HAPSTR1: variants seen among roughly 807,000 people sequenced by gnomAD.
The protein encoded by HAPSTR1 is HUWE1 associated protein modifying stress responses.
At chr16:9,116,657 C>T in the HAPSTR1 span, 9 of 1,601,318 alleles carry the variant, frequency 5.6e-6, no homozygotes, top group Admixed American at 5.2e-5. Flanking sequence ...AACCTTTTTT[C>T]TTCTTCCTAG....
the HAPSTR1 span, among the ~76,000 whole-genome samples, chr16:9,102,348 C>A: frequency 6.2e-4 from 94 of 152,174 alleles, no homozygotes; most frequent in African/African-American, 2.1e-3. Context: ...ATCATTTTAC[C>A]AAAACCCAGG....
the HAPSTR1 span, among the ~76,000 whole-genome samples, chr16:9,114,773 A>G: frequency 1.2e-4 from 19 of 152,358 alleles, no homozygotes; most frequent in East Asian, 2.7e-3. Flanking sequence ...TGGGAGTGCC[A>G]GCTCTTGTTT....
chr16:9,101,144 C>G, the HAPSTR1 span, among the ~76,000 whole-genome samples: 2 of 152,196 alleles, frequency 1.3e-5, no homozygotes. Context: ...ATGCCTCCAG[C>G]TCTTTCAGAA....
At chr16:9,113,544 CTA>C in the HAPSTR1 span, among the ~76,000 whole-genome samples, 1 of 152,088 alleles carries the variant, frequency 6.6e-6, no homozygotes, top group East Asian at 1.9e-4. Context: ...CATGAGACTC[CTA>C]TGTTAACAAG....
the HAPSTR1 span, chr16:9,117,146 G>T: frequency 6.7e-5 from 37 of 552,984 alleles, no homozygotes; most frequent in African/African-American, 6.6e-4. Context: ...TTGTGTAGTC[G>T]TTAGCAAGAT....
the HAPSTR1 span, chr16:9,111,231 G>A: frequency 1.3e-5 from 2 of 152,326 alleles, no homozygotes; most frequent in African/African-American, 4.8e-5. Flanking sequence ...CTTGTTGAAT[G>A]TTGCAGTCTG....
chr16:9,098,226 G>A, the HAPSTR1 span, among the ~76,000 whole-genome samples: 2 of 152,142 alleles, frequency 1.3e-5, no homozygotes, highest in Admixed American at 6.5e-5. Context: ...CAGCTAACTC[G>A]GAAGGCTGAG....
the HAPSTR1 span, chr16:9,102,996 C>G: frequency 6.2e-7 from 1 of 1,613,836 alleles, no homozygotes; most frequent in Non-Finnish European, 8.5e-7. Context: ...AGCGTGGATA[C>G]CCATCAACGA....
the HAPSTR1 span, among the ~76,000 whole-genome samples, chr16:9,095,733 G>A: frequency 1.3e-5 from 2 of 152,112 alleles, no homozygotes; most frequent in Admixed American, 6.6e-5. Context: ...TTGGAATGTG[G>A]CTAGAAGGAT....
chr16:9,096,881 G>C, the HAPSTR1 span, among the ~76,000 whole-genome samples: 1 of 151,994 alleles, frequency 6.6e-6, no homozygotes. Context: ...AGAAGCAGTA[G>C]CCTCAGTTAT....
At chr16:9,118,811 T>C in the HAPSTR1 span, 1 of 152,686 alleles carries the variant, frequency 6.5e-6, no homozygotes, top group East Asian at 1.9e-4. Flanking sequence ...AGAACTCCTA[T>C]TCCTAAAAGG....
the HAPSTR1 span, among the ~76,000 whole-genome samples, chr16:9,102,642 G>C: frequency 6.6e-6 from 1 of 152,170 alleles, no homozygotes; most frequent in East Asian, 1.9e-4. Context: ...AGCGTGGCCT[G>C]AGGCATGTGC....
At chr16:9,117,217 C>A in the HAPSTR1 span, 1 of 259,652 alleles carries the variant, frequency 3.9e-6, no homozygotes, top group East Asian at 7.8e-5. Context: ...TATTTATTCT[C>A]AAAGGGAAAG....
At chr16:9,092,972 C>T in the HAPSTR1 span, 7 of 1,611,894 alleles carry the variant, frequency 4.3e-6, no homozygotes, top group Non-Finnish European at 5.9e-6. Flanking sequence ...TTCCAAAACG[C>T]AGCCACCGCC....
the HAPSTR1 span, chr16:9,117,084 C>G: frequency 1.1e-6 from 1 of 888,904 alleles, no homozygotes; most frequent in African/African-American, 1.7e-5. Flanking sequence ...GTAGATGCCT[C>G]TTGTAATTAT....
At chr16:9,101,605 T>G in the HAPSTR1 span, among the ~76,000 whole-genome samples, 3 of 152,218 alleles carry the variant, frequency 2.0e-5, no homozygotes, top group African/African-American at 7.2e-5. Flanking sequence ...ATCCTTGTTT[T>G]TCTTTGTCTT....
At chr16:9,102,094 A>G in the HAPSTR1 span, among the ~76,000 whole-genome samples, 2 of 152,396 alleles carry the variant, frequency 1.3e-5, no homozygotes, top group East Asian at 3.9e-4. Context: ...CCTGGGCAAC[A>G]GAGAGACTCC....
At chr16:9,108,741 C>T in the HAPSTR1 span, 13 of 152,156 alleles carry the variant, frequency 8.5e-5, no homozygotes, top group African/African-American at 2.9e-4. Flanking sequence ...AGGAAGAGTA[C>T]ATAGTCTTTG....
At chr16:9,116,822 G>T in the HAPSTR1 span, 1 of 1,614,120 alleles carries the variant, frequency 6.2e-7, no homozygotes, top group Non-Finnish European at 8.5e-7. Context: ...CACTCCACTT[G>T]GACAATGGTG....
Sources: allele counts gnomAD v4.1 joint callset (sites outside exome capture counted in the v4.1 genomes callset), GRCh38; gene constraint gnomAD v4.1.1; transcripts MANE v1.5; gene names NCBI Gene and HGNC (gene_info 2026-07-23, HGNC 2026-07-21).